Variants in ANKRD36B observed in about 807,000 individuals in gnomAD.
ANKRD36B encodes the protein ankyrin repeat domain 36B, also known as ankyrin repeat domain-containing protein 36B.
A neutral mutation model predicts 135.7 loss-of-function variants in ANKRD36B; 37 were observed. The ratio of observed to expected loss-of-function variants is 0.27; its 90% CI spans 0.21 to 0.36. The LOEUF is 0.36. Ranked by LOEUF, ANKRD36B falls within the 10% of genes least tolerant of loss-of-function variation. The probability of loss-of-function intolerance (pLI) is 1.00; values close to 1 mark genes in which losing one functional copy is unlikely to be tolerated. For synonymous variants in ANKRD36B, 179 were observed against 348.1 expected (o/e 0.51, Z 5.41); for missense variants, 549 against 1,037.1 (o/e 0.53, Z 6.46).
intron 3 of ANKRD36B, among the ~76,000 whole-genome samples, chr2:97,581,110 A>C (rs2082604410): frequency 7.2e-6 from 1 of 138,002 alleles, no homozygotes; most frequent in South Asian, 2.3e-4. Context: ...AATGTTACAA[A>C]ACTGTGCATT....
At chr2:97,563,533 G>A (rs1210567328) in intron 6 of ANKRD36B, among the ~76,000 whole-genome samples, 1 of 151,884 alleles carries the variant, frequency 6.6e-6, no homozygotes, top group African/African-American at 2.4e-5. Flanking sequence ...TGACATCTGG[G>A]AACACTCTAT....
chr2:97,546,242 G>C (rs1320709017), intron 22 of ANKRD36B, among the ~76,000 whole-genome samples: 10 of 151,722 alleles, frequency 6.6e-5, no homozygotes, highest in Middle Eastern at 3.2e-3. Flanking sequence ...TTTCATGTAA[G>C]AAATCAAAAG....
At position 97,522,029 on chromosome 2, in the gene ANKRD36B, A is replaced by G. The variant is rs1331837032; in HGVS notation, c.2407+1297T>C. On this transcript the variant is annotated intron_variant, in intron 36 of 43. Transcript: ENST00000359901. ...ACTCCATAGACAAAAGGAAACTCAAAATGGAGCACAGATTTAAATGGAAGA... is the reference window on the plus strand; with the variant it reads ...ACTCCATAGACAAAAGGAAACTCAAGATGGAGCACAGATTTAAATGGAAGA... Among the ~76,000 whole-genome samples, 18 of 83,132 alleles carry G rather than the reference A, an allele frequency of 2.2e-4. 5 individuals are homozygous for G. Among genetic ancestry groups the G allele is most frequent in the South Asian group, 7.4e-4 (3 of 4,066 alleles). The allele number at this position is 83,132 out of a possible 152,430, so 54.5% of individuals were successfully genotyped here.
At chr2:97,562,414 CAAAAACAAAAACA>C (rs1204210235) in intron 6 of ANKRD36B, among the ~76,000 whole-genome samples, 1 of 151,766 alleles carries the variant, frequency 6.6e-6, no homozygotes, top group Non-Finnish European at 1.5e-5. Flanking sequence ...CACAGCTTTC[CAAAAACAAAAACA>C]AAAAACAAAA....
intron 6 of ANKRD36B, among the ~76,000 whole-genome samples, chr2:97,571,674 G>C (rs1039984207): frequency 6.6e-6 from 1 of 151,972 alleles, no homozygotes; most frequent in African/African-American, 2.4e-5. Flanking sequence ...AAAAACATAA[G>C]TAAAATAATT....
At chr2:97,568,962 T>C (rs1033316691) in intron 6 of ANKRD36B, among the ~76,000 whole-genome samples, 2 of 152,156 alleles carry the variant, frequency 1.3e-5, no homozygotes, top group African/African-American at 4.8e-5. Context: ...AGAAACATAT[T>C]TGTATGCCTA....
At chr2:97,546,025 T>A (rs995220680) in intron 22 of ANKRD36B, among the ~76,000 whole-genome samples, 164 bp from the exon 23 acceptor site, 4 of 151,298 alleles carry the variant, frequency 2.6e-5, no homozygotes. Context: ...AGAAATACAC[T>A]GAAAAAAGGG....
intron 6 of ANKRD36B, 122 bp from the exon 7 acceptor site, chr2:97,560,982 T>G: frequency 1.2e-6 from 1 of 826,450 alleles, no homozygotes. Flanking sequence ...ACTGTAGGCT[T>G]TGATATTTTA....
intron 18 of ANKRD36B, among the ~76,000 whole-genome samples, chr2:97,550,152 C>A (rs1235271885): frequency 6.6e-5 from 10 of 150,602 alleles, no homozygotes; most frequent in Non-Finnish European, 1.2e-4. Context: ...ACCTTGGACA[C>A]CTGTTTGCTG....
chr2:97,571,726 AGC>A (rs1256064478), intron 6 of ANKRD36B, among the ~76,000 whole-genome samples: 1 of 150,512 alleles, frequency 6.6e-6, no homozygotes, highest in Non-Finnish European at 1.5e-5. Flanking sequence ...AAATATATGT[AGC>A]CATTGGATAT....
chr2:97,558,785 T>C lies in ANKRD36B; in HGVS notation c.967+14A>G, dbSNP rs1297889794. The stretch of plus-strand genomic sequence containing the variant: ...TTGACTGAACATGACATTAAATGTG[T>C]TTTGCAAAATTACCTGTCCCAGATT... On this transcript the variant is annotated intron_variant, in intron 10 of 43. Transcript: ENST00000359901. 1 of 1,611,030 alleles carries C rather than the reference T, an allele frequency of 6.2e-7. No individual in the cohort carries two copies.
At chr2:97,513,753 C>T (rs1389495199) in intron 37 of ANKRD36B, among the ~76,000 whole-genome samples, 1 of 82,252 alleles carries the variant, frequency 1.2e-5, no homozygotes, top group Non-Finnish European at 2.1e-5. Flanking sequence ...AAACATTTTA[C>T]AATCTGCTCT....
chr2:97,589,796 C>T lies in ANKRD36B; in HGVS notation c.-111G>A, dbSNP rs938754302. On this transcript the variant is annotated 5_prime_UTR_variant, in exon 1 of 44. Transcript: ENST00000359901. ...GGGGATCGCCGCCTCCGAAGAGCAACAACAGGCAAAGCAGTCTGTGCACGG... is the reference window on the plus strand; with the variant it reads ...GGGGATCGCCGCCTCCGAAGAGCAATAACAGGCAAAGCAGTCTGTGCACGG... 5.5e-5 allele frequency: 85 copies of T among 1,546,970 alleles called. No individual in the cohort carries two copies. The highest frequency in any genetic ancestry group is 6.9e-5 in the Non-Finnish European group (78 of 1,131,204).
At chr2:97,574,572 A>G (rs367897582) in intron 6 of ANKRD36B, among the ~76,000 whole-genome samples, 1 of 152,212 alleles carries the variant, frequency 6.6e-6, no homozygotes, top group African/African-American at 2.4e-5. Context: ...TCATGCTGCT[A>G]TAAAGACACA....
At chr2:97,579,306 G>A (rs1193233161) in intron 4 of ANKRD36B, among the ~76,000 whole-genome samples, 2 of 133,810 alleles carry the variant, frequency 1.5e-5, no homozygotes, top group African/African-American at 5.3e-5. Context: ...CAAGAAATAT[G>A]CTCAGGCCAC....
chr2:97,564,817 C>A (rs2081313545), intron 6 of ANKRD36B, among the ~76,000 whole-genome samples: 2 of 152,240 alleles, frequency 1.3e-5, no homozygotes, highest in Non-Finnish European at 2.9e-5. Context: ...ATGCCTCCAG[C>A]TTTGTTCTTT....
intron 32 of ANKRD36B, among the ~76,000 whole-genome samples, chr2:97,536,750 A>G (rs1248074954): frequency 3.1e-5 from 3 of 97,124 alleles, no homozygotes; most frequent in African/African-American, 9.3e-5. Context: ...AAAAGTGTTA[A>G]TATCAATGTG....
chr2:97,589,810 G>C lies in ANKRD36B; in HGVS notation c.-125C>G, dbSNP rs2083294283. 1 of 1,451,138 alleles carries C rather than the reference G, an allele frequency of 6.9e-7. No individual in the cohort carries two copies. The highest frequency in any genetic ancestry group is 9.5e-7 in the Non-Finnish European group (1 of 1,053,676). The allele number at this position is 1,451,138 out of a possible 1,614,324, so 89.9% of individuals were successfully genotyped here. A position where few individuals can be genotyped will look rare whatever the true frequency, so the allele number is the denominator to read the frequency against. On this transcript the variant is annotated 5_prime_UTR_variant, in exon 1 of 44. Transcript: ENST00000359901. ...CCGAAGAGCAACAACAGGCAAAGCA[G>C]TCTGTGCACGGACCTCCGCGCAGAC...
chr2:97,513,086 G>A lies in ANKRD36B; in HGVS notation c.2805+94C>T, dbSNP rs1166039676. 6.9e-5 allele frequency: 94 copies of A among 1,355,544 alleles called. 17 individuals carry two copies. In the East Asian group the frequency reaches 2.4e-3, roughly 34 times the overall value. The allele number at this position is 1,355,544 out of a possible 1,614,324, so 84.0% of individuals were successfully genotyped here. A position where few individuals can be genotyped will look rare whatever the true frequency, so the allele number is the denominator to read the frequency against. On this transcript the variant is annotated intron_variant, in intron 38 of 43. Coordinates refer to ENST00000359901, the MANE Select transcript of ANKRD36B (RefSeq NM_001393939.1). ...TAAGATGAAATAAAATTTGGGGATT[G>A]TTCAGGCCTAAATAATATATGTTAA...
Sources: allele counts gnomAD v4.1 joint callset (sites outside exome capture counted in the v4.1 genomes callset), GRCh38; gene constraint gnomAD v4.1.1; transcripts MANE v1.5; gene names NCBI Gene and HGNC (gene_info 2026-07-23, HGNC 2026-07-21).